Variants in NRF1 observed in about 807,000 individuals in gnomAD.
NRF1 encodes nuclear respiratory factor 1.
A neutral mutation model predicts 58.5 loss-of-function variants in NRF1; 5 were observed. That is an observed-to-expected ratio of 0.09 (90% CI 0.04 to 0.18). The LOEUF (loss-of-function observed/expected upper bound fraction) is 0.18. Ranked by LOEUF, NRF1 falls within the 10% of genes least tolerant of loss-of-function variation. The pLI is 1.00. For synonymous variants in NRF1, 224 were observed against 246.7 expected (o/e 0.91, Z 0.86); for missense variants, 288 against 657.7 (o/e 0.44, Z 6.15).
intron 3 of NRF1, among the ~76,000 whole-genome samples, chr7:129,673,448 G>A (rs1802095612): frequency 6.6e-6 from 1 of 152,126 alleles, no homozygotes. Flanking sequence ...CTGTTTTCGG[G>A]GTCGGGCGCG....
chr7:129,742,911 C>T (rs1419878171), intron 10 of NRF1, among the ~76,000 whole-genome samples: 1 of 152,176 alleles, frequency 6.6e-6, no homozygotes, highest in Non-Finnish European at 1.5e-5. Context: ...TCGGACAGCA[C>T]TCAAACAGAA....
chr7:129,704,885 AG>A (rs2116173942), intron 5 of NRF1, among the ~76,000 whole-genome samples: 1 of 152,338 alleles, frequency 6.6e-6, no homozygotes, highest in South Asian at 2.1e-4. Context: ...GCTGGATTAA[AG>A]CCATGATGTT....
intron 4 of NRF1, among the ~76,000 whole-genome samples, chr7:129,681,534 G>T (rs1206426609): frequency 6.6e-6 from 1 of 152,118 alleles, no homozygotes; most frequent in Admixed American, 6.6e-5. Context: ...GTATTAACTG[G>T]CAACCAGGGG....
chr7:129,727,867 A>G (rs984250674), intron 10 of NRF1, among the ~76,000 whole-genome samples: 1 of 152,122 alleles, frequency 6.6e-6, no homozygotes, highest in African/African-American at 2.4e-5. Flanking sequence ...TTCCTGTTAT[A>G]TGTAGCCTCA....
At chr7:129,645,692 A>C (rs1801390330) in intron 1 of NRF1, among the ~76,000 whole-genome samples, 1 of 152,124 alleles carries the variant, frequency 6.6e-6, no homozygotes, top group African/African-American at 2.4e-5. Flanking sequence ...GTATAGTACT[A>C]TGATGTTGAT....
chr7:129,727,426 A>G (rs766518258), intron 10 of NRF1, 61 bp downstream of exon 10: 163 of 1,512,486 alleles, frequency 1.1e-4, no homozygotes, highest in Admixed American at 1.9e-4. Context: ...CCTTCCTGAC[A>G]TGACTGGCAA....
At chr7:129,719,044 G>A (rs1803254971) in intron 9 of NRF1, among the ~76,000 whole-genome samples, 1 of 152,092 alleles carries the variant, frequency 6.6e-6, no homozygotes. Context: ...ATAGTGAGAG[G>A]AGATTAGAAG....
At chr7:129,746,497 G>T (rs1803978270) in intron 10 of NRF1, among the ~76,000 whole-genome samples, 1 of 152,004 alleles carries the variant, frequency 6.6e-6, no homozygotes. Flanking sequence ...TCTTCATATA[G>T]TGGCTTTCCT....
At chr7:129,628,201 G>A (rs1054526634) in intron 1 of NRF1, among the ~76,000 whole-genome samples, 12 of 151,104 alleles carry the variant, frequency 7.9e-5, no homozygotes, top group African/African-American at 2.2e-4. Flanking sequence ...CCGCCACCAC[G>A]CCCGGCTAAT....
intron 1 of NRF1, among the ~76,000 whole-genome samples, chr7:129,617,121 T>A (rs1405051922): frequency 6.6e-6 from 1 of 152,244 alleles, no homozygotes; most frequent in Non-Finnish European, 1.5e-5. Flanking sequence ...GGACATTTTC[T>A]TAAGAACTCT....
At chr7:129,618,800 A>ATT (rs1420627087) in intron 1 of NRF1, among the ~76,000 whole-genome samples, 1 of 152,228 alleles carries the variant, frequency 6.6e-6, no homozygotes, top group Non-Finnish European at 1.5e-5. Context: ...TGGTATGCAT[A>ATT]TAATGAGATA....
chr7:129,737,712 G>A (rs1803750811), intron 10 of NRF1, among the ~76,000 whole-genome samples: 1 of 152,176 alleles, frequency 6.6e-6, no homozygotes, highest in African/African-American at 2.4e-5. Flanking sequence ...CTATTCCAGT[G>A]TGTACTAAAT....
At chr7:129,696,061 A>T (rs1184269811) in intron 5 of NRF1, among the ~76,000 whole-genome samples, 1 of 21,652 alleles carries the variant, frequency 4.6e-5, no homozygotes, top group Non-Finnish European at 1.3e-4. Context: ...CGTCTCTACT[A>T]AAAAAAAAAA....
chr7:129,653,638 C>T (rs1430921627), intron 1 of NRF1, among the ~76,000 whole-genome samples: 3 of 152,166 alleles, frequency 2.0e-5, no homozygotes, highest in Non-Finnish European at 4.4e-5. Flanking sequence ...GCCTGTTCAT[C>T]CCTCCCTTCC....
chr7:129,734,144 TTATTTTATTCATTTAAC>T (rs1287316072), intron 10 of NRF1, among the ~76,000 whole-genome samples: 2 of 152,226 alleles, frequency 1.3e-5, no homozygotes, highest in African/African-American at 4.8e-5. Context: ...TGTTGTATCA[TTATTTTATTCATTTAAC>T]AAAATTTACA....
At chr7:129,673,377 A>C (rs1328052137) in intron 3 of NRF1, among the ~76,000 whole-genome samples, 3 of 152,202 alleles carry the variant, frequency 2.0e-5, no homozygotes, top group Non-Finnish European at 4.4e-5. Context: ...ATCATCTCCC[A>C]TGATTTCAGA....
intron 5 of NRF1, 137 bp downstream of exon 5, chr7:129,690,683 A>C: frequency 3.4e-6 from 3 of 878,170 alleles, no homozygotes; most frequent in Non-Finnish European, 5.1e-6. Context: ...GTAGTGAAAC[A>C]GTAGCAGCCT....
chr7:129,715,650 A>G (rs1395570078), intron 8 of NRF1, among the ~76,000 whole-genome samples: 1 of 152,346 alleles, frequency 6.6e-6, no homozygotes, highest in Non-Finnish European at 1.5e-5. Context: ...GATATTCATC[A>G]CAGCACTGTT....
At chr7:129,752,292 A>C (rs2116327430) in intron 10 of NRF1, among the ~76,000 whole-genome samples, 1 of 151,446 alleles carries the variant, frequency 6.6e-6, no homozygotes, top group Non-Finnish European at 1.5e-5. Flanking sequence ...GTGGGGGATA[A>C]GTCTATCTCA....
Sources: allele counts gnomAD v4.1 joint callset (sites outside exome capture counted in the v4.1 genomes callset), GRCh38; gene constraint gnomAD v4.1.1; transcripts MANE v1.5; gene names NCBI Gene and HGNC (gene_info 2026-07-23, HGNC 2026-07-21).